Variants in MYO16 observed in about 807,000 individuals in gnomAD.
MYO16 encodes the protein myosin XVI.
Under a neutral mutation model 205.3 loss-of-function variants are expected in MYO16, and 94 were observed. The observed-to-expected ratio is 0.46, with a 90% CI of 0.39 to 0.54. The LOEUF (loss-of-function observed/expected upper bound fraction) is 0.54, where lower values mean the gene tolerates loss of function less well. Ranked by LOEUF, MYO16 falls within the 20% of genes least tolerant of loss-of-function variation. The pLI, the probability that MYO16 is intolerant of heterozygous loss-of-function variation, is 0.00. For missense variants in MYO16, 2,315 were observed against 2,387.5 expected (o/e 0.97, Z 0.63); for synonymous variants, 988 against 954.0 (o/e 1.04, Z -0.66).
chr13:108,708,844 T>C (rs1887124), intron 2 of MYO16, among the ~76,000 whole-genome samples: 82,078 of 152,014 alleles, frequency 0.54, 23,395 homozygotes, highest in East Asian at 0.72. Context: ...TGGACTATTG[T>C]GATTGGTTAT....
intron 16 of MYO16, among the ~76,000 whole-genome samples, chr13:108,930,767 C>T (rs973292359): frequency 6.6e-6 from 1 of 151,736 alleles, no homozygotes; most frequent in Admixed American, 6.6e-5. Context: ...CTATAAATAC[C>T]ACTATTTGTA....
chr13:108,618,794 A>G (rs1013401326), intron 1 of MYO16, among the ~76,000 whole-genome samples: 1 of 152,196 alleles, frequency 6.6e-6, no homozygotes, highest in African/African-American at 2.4e-5. Context: ...TGTTGCTGCT[A>G]TGTTAGGAAC....
intron 10 of MYO16, among the ~76,000 whole-genome samples, chr13:108,850,940 G>A (rs1023079350): frequency 2.6e-5 from 4 of 152,196 alleles, no homozygotes; most frequent in Admixed American, 6.5e-5. Flanking sequence ...CCAATGAGAT[G>A]TCTGTGATAG....
upstream of MYO16, among the ~76,000 whole-genome samples, chr13:108,625,753 G>A (rs984268762): frequency 3.2e-4 from 49 of 152,186 alleles, no homozygotes; most frequent in African/African-American, 1.1e-3. Flanking sequence ...TGTTGTGTGT[G>A]ATTTATATCT....
chr13:108,774,999 C>T (rs961646009), intron 4 of MYO16, among the ~76,000 whole-genome samples: 2 of 152,080 alleles, frequency 1.3e-5, no homozygotes, highest in Admixed American at 1.3e-4. Context: ...GCTATTGTTC[C>T]TGTATTATGA....
intron 32 of MYO16, among the ~76,000 whole-genome samples, chr13:109,151,491 C>G (rs1237910246): frequency 6.6e-6 from 1 of 152,144 alleles, no homozygotes; most frequent in Non-Finnish European, 1.5e-5. Flanking sequence ...GAGACTTGCA[C>G]TGATTTACAG....
chr13:108,878,809 G>A (rs558329095), intron 12 of MYO16, among the ~76,000 whole-genome samples: 1 of 152,178 alleles, frequency 6.6e-6, no homozygotes, highest in Non-Finnish European at 1.5e-5. Flanking sequence ...TCCCATAAGG[G>A]GTTTGAGCAC....
intron 33 of MYO16, among the ~76,000 whole-genome samples, chr13:109,170,048 A>G (rs1878862016): frequency 6.6e-6 from 1 of 152,168 alleles, no homozygotes; most frequent in Non-Finnish European, 1.5e-5. Flanking sequence ...AGAAGAAACA[A>G]TAGGAGAGTA....
chr13:109,142,095 C>T (rs1462547747), intron 32 of MYO16, among the ~76,000 whole-genome samples: 3 of 152,164 alleles, frequency 2.0e-5, no homozygotes, highest in Non-Finnish European at 4.4e-5. Flanking sequence ...GAAGAATGTA[C>T]CTGGCAAAAT....
intron 32 of MYO16, among the ~76,000 whole-genome samples, chr13:109,150,645 C>T (rs1192127030): frequency 6.6e-6 from 1 of 152,184 alleles, no homozygotes; most frequent in East Asian, 1.9e-4. Flanking sequence ...GCCTTTACAA[C>T]CGGGATGCTC....
chr13:109,034,365 C>A (rs1403769699), intron 23 of MYO16, among the ~76,000 whole-genome samples: 1 of 152,140 alleles, frequency 6.6e-6, no homozygotes, highest in East Asian at 1.9e-4. Flanking sequence ...GTGGTTTGCC[C>A]TGTGCTGGTC....
At chr13:109,133,190 G>A (rs959281151) in intron 31 of MYO16, among the ~76,000 whole-genome samples, 19 of 152,126 alleles carry the variant, frequency 1.2e-4, no homozygotes, top group Non-Finnish European at 2.4e-4. Context: ...ACTCATGTAC[G>A]CAGCCTCAGC....
At chr13:108,527,742 T>G in the MYO16 span, among the ~76,000 whole-genome samples, 5 of 152,362 alleles carry the variant, frequency 3.3e-5, no homozygotes, top group Admixed American at 1.3e-4. Flanking sequence ...CTTATTTATT[T>G]AATTTGTAAG....
intron 9 of MYO16, among the ~76,000 whole-genome samples, chr13:108,824,077 A>G (rs948974482): frequency 1.3e-5 from 2 of 152,116 alleles, no homozygotes; most frequent in African/African-American, 4.8e-5. Flanking sequence ...TGTATGAATA[A>G]ATAACATTGC....
chr13:108,913,859 T>C (rs557872300), intron 16 of MYO16, among the ~76,000 whole-genome samples: 42 of 152,316 alleles, frequency 2.8e-4, no homozygotes, highest in African/African-American at 9.1e-4. Context: ...CAACCACTGA[T>C]AGACTGCTGA....
In MYO16 at chr13:108,883,142, T is replaced by C. The variant is rs1276226622; in HGVS notation, c.1509T>C (p.Phe503=). The C allele has an allele frequency of 6.2e-7, 1 of 1,613,896 alleles. No individual in the cohort carries two copies. Among genetic ancestry groups the C allele is most frequent in the African/African-American group, 1.3e-5 (1 of 74,930 alleles). The change falls in exon 13 of 35, where the codon TTT becomes TTC. Residue 503 remains phenylalanine, a synonymous_variant. Transcript: ENST00000457511. ...TCTTCTCCTGTGTGGAGAGAGCCTT[T>C]CACCAGCTCTTCCGGGAACAGCGGC... ...PHLFSCVERA[F]HQLFREQRPQ... is the part of the protein sequence containing the mutation.
intron 1 of MYO16, among the ~76,000 whole-genome samples, chr13:108,617,358 C>T (rs1234849230): frequency 4.6e-5 from 7 of 152,160 alleles, no homozygotes; most frequent in East Asian, 3.9e-4. Flanking sequence ...CTCTTTCATA[C>T]GCCCTCATTC....
At chr13:108,526,559 C>G in the MYO16 span, among the ~76,000 whole-genome samples, 38 of 152,216 alleles carry the variant, frequency 2.5e-4, no homozygotes, top group African/African-American at 8.4e-4. Flanking sequence ...TTGGGCAAAA[C>G]AAACAAGATT....
intron 1 of MYO16, among the ~76,000 whole-genome samples, chr13:108,632,266 C>T (rs146810673): frequency 6.6e-6 from 1 of 152,126 alleles, no homozygotes; most frequent in African/African-American, 2.4e-5. Context: ...CCTTCTTCGC[C>T]TGTCCTGCAT....
Sources: gnomAD v4.1 joint callset for allele counts (sites outside exome capture counted in the v4.1 genomes callset) on GRCh38, gnomAD v4.1.1 for gene constraint, MANE v1.5 for transcripts, NCBI Gene and HGNC (gene_info 2026-07-23, HGNC 2026-07-21) for gene names.